The following CDH18 variants were observed in gnomAD, a reference collection of about 807,000 sequenced individuals.
CDH18 encodes cadherin-18.
A neutral mutation model predicts 67.9 loss-of-function variants in CDH18; 31 were observed. That is an observed-to-expected ratio of 0.46 (90% CI 0.34 to 0.62). CDH18 has a LOEUF of 0.62. CDH18 is among the 20% of genes least tolerant of loss of function. The pLI, the probability that CDH18 is intolerant of heterozygous loss-of-function variation, is 0.01. For synonymous variants in CDH18, 362 were observed against 347.2 expected, an observed-to-expected ratio of 1.04 and a Z score of -0.48; for missense variants, 890 against 975.5, an observed-to-expected ratio of 0.91 and a Z score of 1.17.
At chr5:20,338,577 T>C (rs555563728) in intron 1 of CDH18, among the ~76,000 whole-genome samples, 1 of 152,366 alleles carries the variant, frequency 6.6e-6, no homozygotes, top group African/African-American at 2.4e-5. Flanking sequence ...TTTGCTTCTA[T>C]GCTGTCTCTG....
chr5:19,649,877 T>A (rs899447439), intron 5 of CDH18, among the ~76,000 whole-genome samples: 34 of 152,006 alleles, frequency 2.2e-4, no homozygotes, highest in African/African-American at 8.2e-4. Context: ...AATTTTAGAA[T>A]TTTTATGCTT....
chr5:20,465,591 A>T (rs550348458), intron 1 of CDH18, among the ~76,000 whole-genome samples: 2 of 152,218 alleles, frequency 1.3e-5, no homozygotes, highest in South Asian at 4.1e-4. Context: ...GTTACTAATT[A>T]GTATGATTTA....
chr5:19,802,959 C>T (rs1057218231), intron 3 of CDH18, among the ~76,000 whole-genome samples: 3 of 152,242 alleles, frequency 2.0e-5, no homozygotes, highest in Admixed American at 6.5e-5. Context: ...GCTATTCAGC[C>T]TCCCTCGGTT....
At chr5:20,158,825 C>A in intron 2 of CDH18, 1 of 193,504 alleles carries the variant, frequency 5.2e-6, no homozygotes, top group South Asian at 1.3e-4. Flanking sequence ...TAAATCAAGT[C>A]CCATGCCATA....
chr5:19,799,946 T>C (rs1199928085), intron 3 of CDH18, among the ~76,000 whole-genome samples: 5 of 152,178 alleles, frequency 3.3e-5, no homozygotes, highest in African/African-American at 9.6e-5. Context: ...ACAAGCTTTA[T>C]ATTTTTTTCT....
intron 2 of CDH18, among the ~76,000 whole-genome samples, chr5:19,950,380 G>A (rs1299629684): frequency 6.6e-6 from 1 of 151,980 alleles, no homozygotes; most frequent in Non-Finnish European, 1.5e-5. Context: ...GGAAAAGGTG[G>A]GAGTGGGTTG....
At chr5:20,231,430 G>A (rs1014880204) in intron 2 of CDH18, among the ~76,000 whole-genome samples, 3 of 151,734 alleles carry the variant, frequency 2.0e-5, no homozygotes, top group African/African-American at 4.8e-5. Context: ...GTGAAACCCC[G>A]TCTCTACTAA....
chr5:19,717,130 T>C (rs943705427), intron 5 of CDH18, among the ~76,000 whole-genome samples: 2 of 152,182 alleles, frequency 1.3e-5, no homozygotes, highest in East Asian at 3.9e-4. Context: ...TACGATTTTG[T>C]AAAACAGTAT....
At chr5:20,231,425 AC>A (rs1373051541) in intron 2 of CDH18, among the ~76,000 whole-genome samples, 2 of 151,852 alleles carry the variant, frequency 1.3e-5, no homozygotes, top group African/African-American at 4.8e-5. Flanking sequence ...ACATGGTGAA[AC>A]CCCGTCTCTA....
chr5:20,055,442 GAA>G, intron 2 of CDH18, among the ~76,000 whole-genome samples: 1 of 152,344 alleles, frequency 6.6e-6, no homozygotes, highest in South Asian at 2.1e-4. Context: ...AGTATGTCTA[GAA>G]AGGATGTTTT....
chr5:20,419,462 G>GTTTTTTTT lies in CDH18; in HGVS notation c.-580+155992_-580+155999dup, dbSNP rs202130030. Among the ~76,000 whole-genome samples the GTTTTTTTT allele has an allele frequency of 1.3e-3, 95 of 75,638 alleles. 11 individuals are homozygous for GTTTTTTTT. Among genetic ancestry groups the GTTTTTTTT allele is most frequent in the East Asian group, 1.6e-3 (5 of 3,058 alleles). 49.6% of individuals were successfully genotyped at this position (75,638 alleles called of 152,430 possible). On this transcript the variant is annotated intron_variant, in intron 1 of 14. Coordinates refer to the CDH18 transcript ENST00000507958. ...CCAACCACCCAGGGTATGGGACTCTGTTTTTTTTTTTTTTTTTTTTTTTTT... is the reference window on the plus strand; with the variant it reads ...CCAACCACCCAGGGTATGGGACTCTGTTTTTTTTTTTTTTTTTTTTTTTTTTTTTTTTT...
At chr5:20,548,416 T>C (rs1166441477) in intron 1 of CDH18, among the ~76,000 whole-genome samples, 1 of 150,532 alleles carries the variant, frequency 6.6e-6, no homozygotes, top group Non-Finnish European at 1.5e-5. Context: ...CCTGTATGGA[T>C]TGTCAGGTAA....
chr5:19,519,196 G>GT (rs1464329478), intron 10 of CDH18, among the ~76,000 whole-genome samples: 2 of 152,040 alleles, frequency 1.3e-5, no homozygotes, highest in African/African-American at 4.8e-5. Context: ...TATGTCTAGA[G>GT]TTTTTTATTT....
At chr5:20,441,741 T>A (rs1444820872) in intron 1 of CDH18, among the ~76,000 whole-genome samples, 1 of 151,852 alleles carries the variant, frequency 6.6e-6, no homozygotes, top group African/African-American at 2.4e-5. Context: ...TTTAGGGAAC[T>A]ACATATTGTA....
chr5:19,558,701 C>T (rs1413921343), intron 8 of CDH18, among the ~76,000 whole-genome samples: 1 of 151,858 alleles, frequency 6.6e-6, no homozygotes, highest in Admixed American at 6.6e-5. Context: ...AGATTCATGG[C>T]TGAATTATAT....
At chr5:19,657,474 G>C (rs1012871466) in intron 5 of CDH18, among the ~76,000 whole-genome samples, 1 of 151,560 alleles carries the variant, frequency 6.6e-6, no homozygotes, top group Non-Finnish European at 1.5e-5. Context: ...AGAAAAGAAG[G>C]GTTTTAGATA....
At chr5:19,912,908 G>C (rs909833758) in intron 2 of CDH18, among the ~76,000 whole-genome samples, 1 of 152,238 alleles carries the variant, frequency 6.6e-6, no homozygotes, top group East Asian at 1.9e-4. Context: ...CAGGGTCTGG[G>C]TGATTCTCAA....
intron 1 of CDH18, among the ~76,000 whole-genome samples, chr5:20,412,971 C>A (rs1232713115): frequency 6.6e-6 from 1 of 152,170 alleles, no homozygotes; most frequent in Non-Finnish European, 1.5e-5. Context: ...AATCCCCGCA[C>A]CCCACGACAG....
chr5:20,566,594 C>T (rs1758528980), intron 1 of CDH18, among the ~76,000 whole-genome samples: 1 of 135,608 alleles, frequency 7.4e-6, no homozygotes, highest in South Asian at 2.3e-4. Context: ...CCGAGATGGT[C>T]TCAATTTCCT....
Sources: gnomAD v4.1 joint callset for allele counts (sites outside exome capture counted in the v4.1 genomes callset) on GRCh38, gnomAD v4.1.1 for gene constraint, MANE v1.5 for transcripts, NCBI Gene and HGNC (gene_info 2026-07-23, HGNC 2026-07-21) for gene names.